The following CORO7 variants were observed in gnomAD, a reference collection of about 807,000 sequenced individuals.
The protein encoded by CORO7 is coronin-7.
In CORO7, 107 loss-of-function variants were observed where a neutral mutation model predicts 126.6. The ratio of observed to expected loss-of-function variants is 0.85; its 90% confidence interval spans 0.72 to 0.99. The LOEUF (loss-of-function observed/expected upper bound fraction) is 0.99. Among genes scored for constraint, CORO7 ranks in the 50% least tolerant of loss-of-function variants. The pLI is 0.00. For missense variants in CORO7, 1,314 were observed against 1,255.8 expected (o/e 1.05, Z -0.70); for synonymous variants, 603 against 536.8 (o/e 1.12, Z -1.70).
intron 6 of CORO7, among the ~76,000 whole-genome samples, chr16:4,402,972 A>G (rs1009330788): frequency 6.6e-6 from 1 of 151,624 alleles, no homozygotes; most frequent in African/African-American, 2.4e-5. Context: ...GAGGCAGGAC[A>G]GGAGTGGAAG....
chr16:4,382,099 G>T, intron 9 of CORO7: 1 of 1,585,370 alleles, frequency 6.3e-7, no homozygotes, highest in Non-Finnish European at 8.6e-7. Flanking sequence ...CCAGCCCCAG[G>T]ACTGCCCACC....
In CORO7 at chr16:4,386,548, G is replaced by A. The variant is rs113773835; in HGVS notation, c.785+1438C>T. On this transcript the variant is annotated intron_variant, in intron 9 of 27. Coordinates refer to ENST00000251166, the MANE Select transcript of CORO7 (RefSeq NM_024535.5). ...ATGGGGGACATGGGGCCAGATCCTA[G>A]ACGTGGAGTCTGAAGGCCCGGGAGC... is the stretch of plus-strand genomic sequence containing the variant. 3.1e-3 allele frequency among the ~76,000 whole-genome samples: 467 copies of A among 152,322 alleles called. 5 individuals carry two copies. The highest frequency in any genetic ancestry group is 0.011 in the African/African-American group (445 of 41,566).
intron 9 of CORO7, chr16:4,383,151 G>C (rs1010911907): frequency 8.4e-6 from 4 of 473,496 alleles, no homozygotes; most frequent in African/African-American, 2.0e-5. Context: ...CCTGCCCTCC[G>C]CAACGTGCAG....
At chr16:4,377,921 A>C (rs2054805092) in intron 9 of CORO7, among the ~76,000 whole-genome samples, 1 of 152,200 alleles carries the variant, frequency 6.6e-6, no homozygotes, top group African/African-American at 2.4e-5. Context: ...TGTCCTGCTA[A>C]CAGGAACGCA....
At position 4,407,542 on chromosome 16, in the gene CORO7, G is replaced by T; in HGVS notation, c.446C>A (p.Thr149Asn). 6.3e-7 allele frequency: 1 copy of T among 1,579,842 alleles called. No individual in the cohort carries two copies. The highest frequency in any genetic ancestry group is 8.6e-7 in the Non-Finnish European group (1 of 1,162,962). ...CTTGGCTGCGTCCCAGACCTTCACA[G>T]TGGTGCCTGCTGCGCTCACCAGAAT... ...DGILVSAAGTTVKVWDAAKQQ... is the reference protein window; with the variant it reads ...DGILVSAAGTNVKVWDAAKQQ... The change falls in exon 5 of 28, where the codon ACT becomes AAT. Residue 149 changes from threonine (T) to asparagine (N), a missense_variant. By Grantham distance (65) the Thr-to-Asn change is moderately conservative (BLOSUM62 0). Coordinates refer to ENST00000251166, the MANE Select transcript of CORO7 (RefSeq NM_024535.5).
At chr16:4,368,407 G>A (rs751583356) in intron 9 of CORO7, among the ~76,000 whole-genome samples, 6 of 151,954 alleles carry the variant, frequency 3.9e-5, no homozygotes, top group African/African-American at 1.5e-4. Context: ...CAGCTACTCG[G>A]CTGGCTGAGG....
intron 6 of CORO7, among the ~76,000 whole-genome samples, chr16:4,395,892 A>AAT (rs1029852897): frequency 5.3e-4 from 81 of 152,320 alleles, no homozygotes; most frequent in African/African-American, 1.9e-3. Flanking sequence ...ATCCAAAGGG[A>AAT]GGATGGAAAC....
intron 9 of CORO7, among the ~76,000 whole-genome samples, chr16:4,368,584 C>T (rs1005333071): frequency 5.9e-5 from 9 of 151,592 alleles, no homozygotes; most frequent in Non-Finnish European, 1.3e-4. Context: ...CTCGTCTCTA[C>T]TAAAAATGCA....
rs1463801542 is a variant in CORO7, at chr16:4,358,357, C to G, written c.2457+10G>C. 6.2e-7 allele frequency: 1 copy of G among 1,611,984 alleles called. No homozygotes were observed. The highest frequency in any genetic ancestry group is 2.2e-5 in the East Asian group (1 of 44,858). On this transcript the variant is annotated intron_variant, in intron 24 of 27. Coordinates refer to ENST00000251166, the MANE Select transcript of CORO7 (RefSeq NM_024535.5). ...CGGTGGGCATGGGAGTCCCAGGTCC[C>G]CACCCTCACCCGGACTCGGGGCAGC...
chr16:4,415,401 C>T (rs1221546770), intron 1 of CORO7, among the ~76,000 whole-genome samples: 1 of 152,140 alleles, frequency 6.6e-6, no homozygotes, highest in African/African-American at 2.4e-5. Flanking sequence ...CTGAGACTGG[C>T]CCCCTCCATT....
intron 25 of CORO7, chr16:4,357,504 C>T (rs548664995): frequency 1.0e-4 from 45 of 434,122 alleles, no homozygotes; most frequent in Middle Eastern, 6.0e-4. Context: ...GGATTGCAGG[C>T]GCCCACCACG....
At position 4,380,961 on chromosome 16, in the gene CORO7, C is replaced by T. The variant is rs770055327; in HGVS notation, c.785+7025G>A. 39 of 1,602,642 alleles carry T rather than the reference C, an allele frequency of 2.4e-5. No homozygotes were observed. The Admixed American group carries it at 6.6e-4, about 27-fold the overall frequency. ...GGGTGCAGGGCTGCCCATCCGGCTG[C>T]CAGTGCAGCCAGCCACAGACAGTCT... is the stretch of plus-strand genomic sequence containing the variant. On this transcript the variant is annotated intron_variant, in intron 9 of 27. Coordinates refer to ENST00000251166, the MANE Select transcript of CORO7 (RefSeq NM_024535.5).
chr16:4,412,618 A>G (rs3747581), intron 2 of CORO7, 188 bp from the exon 3 acceptor site: 392,238 of 601,624 alleles, frequency 0.65, 134,280 homozygotes, highest in Non-Finnish European at 0.72. Flanking sequence ...TGCATGAGCC[A>G]TCCATGCCTC....
At chr16:4,355,409 T>G in intron 26 of CORO7, 37 bp from the exon 27 acceptor site, 3 of 1,579,866 alleles carry the variant, frequency 1.9e-6, no homozygotes, top group Non-Finnish European at 2.6e-6. Flanking sequence ...GGTAAGGGAA[T>G]AGGACTCCCT....
chr16:4,382,827 G>A, intron 9 of CORO7: 1 of 1,598,918 alleles, frequency 6.3e-7, no homozygotes. Flanking sequence ...GCGGGTCTGA[G>A]TGTGAGGTGC....
intron 6 of CORO7, among the ~76,000 whole-genome samples, chr16:4,401,329 CG>C (rs974428924): frequency 6.6e-6 from 1 of 152,210 alleles, no homozygotes; most frequent in Non-Finnish European, 1.5e-5. Context: ...CGTGGGCACA[CG>C]CATGGCTGGC....
At chr16:4,379,791 C>T (rs1429273204) in intron 9 of CORO7, among the ~76,000 whole-genome samples, 1 of 151,498 alleles carries the variant, frequency 6.6e-6, no homozygotes, top group Non-Finnish European at 1.5e-5. Context: ...GCCTGTAATC[C>T]CAGCACTTTT....
At chr16:4,366,342 G>A (rs1484313802) in intron 9 of CORO7, among the ~76,000 whole-genome samples, 1 of 151,610 alleles carries the variant, frequency 6.6e-6, no homozygotes. Flanking sequence ...CTCAGCCTTG[G>A]CCAACTGCCT....
chr16:4,389,761 G>A (rs1269905483), intron 7 of CORO7, among the ~76,000 whole-genome samples: 2 of 152,240 alleles, frequency 1.3e-5, no homozygotes, highest in Admixed American at 6.5e-5. Context: ...CTCAACACCC[G>A]GAGAGGGTCA....
Sources: allele counts gnomAD v4.1 joint callset (sites outside exome capture counted in the v4.1 genomes callset), GRCh38; gene constraint gnomAD v4.1.1; transcripts MANE v1.5; gene names NCBI Gene and HGNC (gene_info 2026-07-23, HGNC 2026-07-21).